SGIP1: variants seen among roughly 807,000 people sequenced by gnomAD.
The protein encoded by SGIP1 is SH3-containing GRB2-like protein 3-interacting protein 1.
A neutral mutation model predicts 107.5 loss-of-function variants in SGIP1; 38 were observed. The ratio of observed to expected loss-of-function variants is 0.35; its 90% CI spans 0.27 to 0.46. The LOEUF (loss-of-function observed/expected upper bound fraction) is 0.46, where lower values mean the gene tolerates loss of function less well. Ranked by LOEUF, SGIP1 falls within the 20% of genes least tolerant of loss-of-function variation. The pLI is 1.00. For missense variants in SGIP1, 929 were observed against 1,019.5 expected (o/e 0.91, Z 1.21); for synonymous variants, 365 against 366.1 (o/e 1.00, Z 0.03).
intron 1 of SGIP1, among the ~76,000 whole-genome samples, chr1:66,613,706 T>C (rs1217760500): frequency 1.3e-5 from 2 of 152,204 alleles, no homozygotes; most frequent in Non-Finnish European, 2.9e-5. Flanking sequence ...CATGTCACTC[T>C]TCACCTCAAA....
At chr1:66,578,377 G>C (rs928755043) in intron 1 of SGIP1, among the ~76,000 whole-genome samples, 1 of 152,140 alleles carries the variant, frequency 6.6e-6, no homozygotes, top group African/African-American at 2.4e-5. Flanking sequence ...TAAGCTGCTC[G>C]GGAAGATCAA....
intron 1 of SGIP1, among the ~76,000 whole-genome samples, chr1:66,546,368 A>G (rs1220298273): frequency 1.3e-5 from 2 of 152,178 alleles, no homozygotes; most frequent in East Asian, 3.9e-4. Flanking sequence ...ATTGCAGAAA[A>G]CTTGCAAAAT....
At chr1:66,562,260 G>A (rs151124056) in intron 1 of SGIP1, among the ~76,000 whole-genome samples, 4 of 151,948 alleles carry the variant, frequency 2.6e-5, no homozygotes, top group African/African-American at 9.7e-5. Context: ...CTGCACAACA[G>A]CTAGTTTTAA....
At chr1:66,621,117 G>A (rs2070971718) in intron 1 of SGIP1, among the ~76,000 whole-genome samples, 2 of 152,176 alleles carry the variant, frequency 1.3e-5, no homozygotes, top group South Asian at 2.1e-4. Context: ...TGACAAAAAT[G>A]CATTTGCTTA....
intron 7 of SGIP1, among the ~76,000 whole-genome samples, chr1:66,659,948 G>GAAAGAAA (rs370051468): frequency 0.072 from 2,519 of 34,816 alleles, 275 homozygotes; most frequent in East Asian, 0.31. Context: ...GAAAAAGAAA[G>GAAAGAAA]AAAAAGAAAG....
At chr1:66,660,762 C>T (rs1181891046) in intron 8 of SGIP1, among the ~76,000 whole-genome samples, 1 of 152,190 alleles carries the variant, frequency 6.6e-6, no homozygotes, top group Admixed American at 6.5e-5. Flanking sequence ...TGTAAAGATT[C>T]ACCTCTGGTT....
At chr1:66,588,405 C>T (rs1378795147) in intron 1 of SGIP1, among the ~76,000 whole-genome samples, 2 of 152,048 alleles carry the variant, frequency 1.3e-5, no homozygotes, top group South Asian at 2.1e-4. Context: ...ACTTCCCCTA[C>T]TTCACTGGAC....
chr1:66,651,370 C>G (rs556965352), intron 7 of SGIP1, among the ~76,000 whole-genome samples: 161 of 152,198 alleles, frequency 1.1e-3, no homozygotes, highest in African/African-American at 3.7e-3. Flanking sequence ...TTATCTCACT[C>G]GAAGCATCAC....
chr1:66,626,020 G>A (rs2072593098), intron 2 of SGIP1, 110 bp downstream of exon 2: 3 of 679,146 alleles, frequency 4.4e-6, no homozygotes, highest in Non-Finnish European at 7.1e-6. Flanking sequence ...TGTACTATTT[G>A]CTTTCCTCAT....
At chr1:66,652,218 T>A in intron 7 of SGIP1, among the ~76,000 whole-genome samples, 1 of 151,834 alleles carries the variant, frequency 6.6e-6, no homozygotes, top group Middle Eastern at 3.2e-3. Context: ...GAGAAAATAT[T>A]GTAAAATACC....
At chr1:66,635,093 A>G (rs2075527209) in intron 3 of SGIP1, among the ~76,000 whole-genome samples, 1 of 152,246 alleles carries the variant, frequency 6.6e-6, no homozygotes, top group African/African-American at 2.4e-5. Context: ...GCACCTACCT[A>G]ATGCTTATAA....
intron 8 of SGIP1, among the ~76,000 whole-genome samples, chr1:66,661,878 C>T (rs756954838): frequency 6.6e-6 from 1 of 151,938 alleles, no homozygotes; most frequent in African/African-American, 2.4e-5. Flanking sequence ...CCCCATCATT[C>T]CCTCACCTCA....
intron 8 of SGIP1, among the ~76,000 whole-genome samples, chr1:66,661,629 C>T (rs919649381): frequency 5.9e-5 from 9 of 152,162 alleles, no homozygotes; most frequent in African/African-American, 2.2e-4. Flanking sequence ...AACTATGCAT[C>T]GCCTGTTCTG....
chr1:66,680,467 C>G (rs72669491), intron 14 of SGIP1, among the ~76,000 whole-genome samples: 9 of 152,296 alleles, frequency 5.9e-5, no homozygotes, highest in Non-Finnish European at 1.0e-4. Context: ...CTTCGGAATT[C>G]TGTTGCAGCT....
At chr1:66,709,879 T>C (rs2092793161) in intron 18 of SGIP1, among the ~76,000 whole-genome samples, 1 of 152,076 alleles carries the variant, frequency 6.6e-6, no homozygotes, top group Non-Finnish European at 1.5e-5. Flanking sequence ...GCATTATTAT[T>C]AATTAGATTA....
chr1:66,568,001 C>T (rs1009164210), intron 1 of SGIP1, among the ~76,000 whole-genome samples: 1 of 151,922 alleles, frequency 6.6e-6, no homozygotes, highest in African/African-American at 2.4e-5. Context: ...TTTTTTGGTT[C>T]CATATGGAAT....
In SGIP1 at chr1:66,748,900, T is replaced by A. The variant is rs577605769; in HGVS notation, c.*5805T>A. On this transcript the variant is annotated 3_prime_UTR_variant, in exon 25 of 25. Transcript: ENST00000371037. ...AAGTTATTGAATCAGGTAAAAAAAATTTTTTCTAAGCACACCTTGAGAAAC... is the reference window on the plus strand; with the variant it reads ...AAGTTATTGAATCAGGTAAAAAAAAATTTTTCTAAGCACACCTTGAGAAAC... 3.0e-4 allele frequency among the ~76,000 whole-genome samples: 44 copies of A among 146,826 alleles called. No homozygotes were observed. The highest frequency in any genetic ancestry group is 9.6e-4 in the East Asian group (5 of 5,184).
chr1:66,710,263 GA>G (rs1439765738), intron 18 of SGIP1, among the ~76,000 whole-genome samples: 6 of 152,164 alleles, frequency 3.9e-5, no homozygotes, highest in Admixed American at 3.9e-4. Flanking sequence ...GAACTATATA[GA>G]AAGAATTTCT....
chr1:66,639,631 G>A lies in SGIP1; in HGVS notation c.172-146G>A, dbSNP rs183342595. The stretch of plus-strand genomic sequence containing the variant: ...ATTTACCATTCCATTACACAAATGT[G>A]GCTCCTTAATAAACTGCTCTAATAT... On this transcript the variant is annotated intron_variant, in intron 4 of 24. Coordinates refer to ENST00000371037, the MANE Select transcript of SGIP1 (RefSeq NM_032291.4). The A allele has an allele frequency of 4.5e-4, 285 of 636,546 alleles. 1 individual carries two copies. In the African/African-American group the frequency reaches 4.9e-3, roughly 11 times the overall value. 39.4% of individuals were successfully genotyped at this position (636,546 alleles called of 1,614,324 possible). A position where few individuals can be genotyped will look rare whatever the true frequency, so the allele number is the denominator to read the frequency against.
Sources: gnomAD v4.1 joint callset for allele counts (sites outside exome capture counted in the v4.1 genomes callset) on GRCh38, gnomAD v4.1.1 for gene constraint, MANE v1.5 for transcripts, NCBI Gene and HGNC (gene_info 2026-07-23, HGNC 2026-07-21) for gene names.